Variants in IPCEF1 observed in about 807,000 individuals in gnomAD.
The protein encoded by IPCEF1 is interaction protein for cytohesin exchange factors 1.
A neutral mutation model predicts 50.9 loss-of-function variants in IPCEF1; 31 were observed. The observed-to-expected ratio is 0.61, with a 90% CI of 0.46 to 0.82. The LOEUF is 0.82. IPCEF1 is among the 40% of genes least tolerant of loss of function. The pLI, the probability that IPCEF1 is intolerant of heterozygous loss-of-function variation, is 0.00. For synonymous variants in IPCEF1, 181 were observed against 192.0 expected (o/e 0.94, Z 0.47); for missense variants, 458 against 514.0 (o/e 0.89, Z 1.05).
At chr6:154,163,507 T>A (rs1243144679) in intron 11 of IPCEF1, among the ~76,000 whole-genome samples, 1 of 152,206 alleles carries the variant, frequency 6.6e-6, no homozygotes, top group Admixed American at 6.5e-5. Flanking sequence ...TATCATATTA[T>A]ACATTTAATA....
At chr6:154,265,484 T>C (rs1017865972) in intron 3 of IPCEF1, among the ~76,000 whole-genome samples, 2 of 152,068 alleles carry the variant, frequency 1.3e-5, no homozygotes, top group Non-Finnish European at 2.9e-5. Context: ...TTTCACCATG[T>C]TGGCCAGGCT....
intron 1 of IPCEF1, among the ~76,000 whole-genome samples, chr6:154,316,797 A>G (rs2128684219): frequency 6.6e-6 from 1 of 152,344 alleles, no homozygotes; most frequent in East Asian, 1.9e-4. Flanking sequence ...ATGTAAGATT[A>G]GACATGTTAT....
intron 10 of IPCEF1, among the ~76,000 whole-genome samples, chr6:154,191,672 T>TCAACAACAA (rs140096033): frequency 2.0e-5 from 3 of 149,572 alleles, no homozygotes; most frequent in Admixed American, 6.7e-5. Flanking sequence ...AGACTTTGCC[T>TCAACAACAA]CAACAACAAC....
At chr6:154,227,899 A>C (rs1404476302) in intron 5 of IPCEF1, among the ~76,000 whole-genome samples, 1 of 152,008 alleles carries the variant, frequency 6.6e-6, no homozygotes, top group African/African-American at 2.4e-5. Flanking sequence ...TATAAGCAGA[A>C]GCTTTTTTTT....
chr6:154,177,405 T>C (rs539748984), intron 10 of IPCEF1, among the ~76,000 whole-genome samples: 67 of 151,298 alleles, frequency 4.4e-4, no homozygotes, highest in African/African-American at 1.6e-3. Flanking sequence ...AAAGGGCTAA[T>C]ATCCAGAATC....
chr6:154,273,053 G>A (rs1188234320), intron 2 of IPCEF1, among the ~76,000 whole-genome samples: 1 of 152,136 alleles, frequency 6.6e-6, no homozygotes, highest in African/African-American at 2.4e-5. Flanking sequence ...ATTTAGAGAC[G>A]ATTTTCCAGT....
At chr6:154,165,286 C>G (rs1458093441) in intron 11 of IPCEF1, among the ~76,000 whole-genome samples, 1 of 152,138 alleles carries the variant, frequency 6.6e-6, no homozygotes. Flanking sequence ...ATTCACATCC[C>G]CTCTCAGTCC....
At chr6:154,191,257 T>C (rs1801854439) in intron 10 of IPCEF1, among the ~76,000 whole-genome samples, 2 of 152,090 alleles carry the variant, frequency 1.3e-5, no homozygotes, top group African/African-American at 2.4e-5. Context: ...GAAGGATGAA[T>C]AGATGGAGCA....
chr6:154,164,332 A>G (rs1799256135), intron 11 of IPCEF1, among the ~76,000 whole-genome samples: 1 of 152,196 alleles, frequency 6.6e-6, no homozygotes, highest in African/African-American at 2.4e-5. Flanking sequence ...AAGTAGTTCA[A>G]ATTTTTTACC....
chr6:154,313,487 T>A (rs1489348599), intron 1 of IPCEF1, among the ~76,000 whole-genome samples: 1 of 152,204 alleles, frequency 6.6e-6, no homozygotes, highest in East Asian at 1.9e-4. Context: ...TTTAAGAGAC[T>A]ACAAAAGTCT....
chr6:154,209,550 G>C (rs979643680), intron 9 of IPCEF1, among the ~76,000 whole-genome samples: 2 of 151,750 alleles, frequency 1.3e-5, no homozygotes, highest in African/African-American at 4.8e-5. Context: ...GGGGGGCCGA[G>C]GTGGGAGGAT....
intron 5 of IPCEF1, among the ~76,000 whole-genome samples, chr6:154,233,801 G>A (rs866326299): frequency 3.3e-5 from 5 of 152,246 alleles, no homozygotes; most frequent in Middle Eastern, 3.4e-3. Context: ...ATCTCACTGT[G>A]GGAAAGCTTC....
At chr6:154,246,467 T>C in intron 5 of IPCEF1, 124 bp downstream of exon 5, 1 of 1,149,640 alleles carries the variant, frequency 8.7e-7, no homozygotes, top group East Asian at 2.4e-5. Flanking sequence ...CTATAACTTA[T>C]TTGTTTATTT....
intron 2 of IPCEF1, among the ~76,000 whole-genome samples, chr6:154,273,941 G>A (rs1039312775): frequency 6.6e-6 from 1 of 150,450 alleles, no homozygotes; most frequent in Admixed American, 6.6e-5. Context: ...TTTTAGTAGA[G>A]ACGGGGTTTC....
intron 2 of IPCEF1, among the ~76,000 whole-genome samples, chr6:154,282,471 A>G (rs949573945): frequency 1.3e-5 from 2 of 152,180 alleles, no homozygotes; most frequent in Admixed American, 1.3e-4. Flanking sequence ...TCACGAGGTC[A>G]GGAGATCGAG....
In IPCEF1 at chr6:154,329,615, A is replaced by G. The variant is rs373322011; in HGVS notation, c.-62+27057T>C. ...CAAGAAAAAGAAAAAAAAAGAAAGAAAGAGAGAGAGAGAAAGAAAAAGAAA... is the reference window on the plus strand; with the variant it reads ...CAAGAAAAAGAAAAAAAAAGAAAGAGAGAGAGAGAGAGAAAGAAAAAGAAA... On this transcript the variant is annotated intron_variant, in intron 1 of 11. Coordinates refer to ENST00000367220, the MANE Select transcript of IPCEF1 (RefSeq NM_001130700.2). Among the ~76,000 whole-genome samples the G allele has an allele frequency of 3.3e-5, 5 of 151,772 alleles. No individual in the cohort carries two copies. In the East Asian group the frequency reaches 5.8e-4, roughly 18 times the overall value.
rs144006058 is a variant in IPCEF1, at chr6:154,206,044, T to C, written c.538-6004A>G. Among the ~76,000 whole-genome samples, 414 of 152,264 alleles carry C rather than the reference T, an allele frequency of 2.7e-3. 1 individual carries two copies. Among genetic ancestry groups the C allele is most frequent in the Middle Eastern group, 6.8e-3 (2 of 294 alleles). ...GCTATCAAGAGATGCCAGGAGACTT[T>C]ATTCTCAAAAGCTCTTCATGGCACC... On this transcript the variant is annotated intron_variant, in intron 9 of 11. Coordinates refer to ENST00000367220, the MANE Select transcript of IPCEF1 (RefSeq NM_001130700.2).
At chr6:154,203,857 C>T (rs1777270583) in intron 9 of IPCEF1, among the ~76,000 whole-genome samples, 1 of 152,190 alleles carries the variant, frequency 6.6e-6, no homozygotes, top group Non-Finnish European at 1.5e-5. Context: ...GTTATTCAGC[C>T]TCTGGGGGAG....
At chr6:154,294,984 G>A (rs1347675570) in intron 1 of IPCEF1, among the ~76,000 whole-genome samples, 1 of 152,290 alleles carries the variant, frequency 6.6e-6, no homozygotes, top group East Asian at 1.9e-4. Flanking sequence ...ACATTATGAG[G>A]TCAGGAGATC....
Sources: gnomAD v4.1 joint callset for allele counts (sites outside exome capture counted in the v4.1 genomes callset) on GRCh38, gnomAD v4.1.1 for gene constraint, MANE v1.5 for transcripts, NCBI Gene and HGNC (gene_info 2026-07-23, HGNC 2026-07-21) for gene names.